ABCB7: variants seen among roughly 807,000 people sequenced by gnomAD.
ABCB7 encodes the protein ATP binding cassette subfamily B member 7.
Under a neutral mutation model 54.4 loss-of-function variants are expected in ABCB7, and 7 were observed. That is an observed-to-expected ratio of 0.13 (90% CI 0.07 to 0.24). The LOEUF is 0.24. Among genes scored for constraint, ABCB7 ranks in the 10% least tolerant of loss-of-function variants. The probability of loss-of-function intolerance (pLI) is 1.00; values close to 1 mark genes in which losing one functional copy is unlikely to be tolerated. For missense variants in ABCB7, 356 were observed against 570.4 expected, an observed-to-expected ratio of 0.62 and a Z score of 3.83; for synonymous variants, 218 against 207.1, an observed-to-expected ratio of 1.05 and a Z score of -0.45.
At position 75,114,852 on chromosome X, in the gene ABCB7, T is replaced by C. The variant is rs4148837; in HGVS notation, c.169-21A>G. The C allele has an allele frequency of 0.12, 136,730 of 1,147,903 alleles. 16,165 individuals are homozygous for C. Among genetic ancestry groups the C allele is most frequent in the East Asian group, 0.94 (30,482 of 32,491 alleles). The allele number at this position is 1,147,903 out of a possible 1,213,427, so 94.6% of individuals were successfully genotyped here. A position where few individuals can be genotyped will look rare whatever the true frequency, so the allele number is the denominator to read the frequency against. On this transcript the variant is annotated intron_variant, in intron 1 of 15. Transcript: ENST00000373394. ...GGAATCTGCTGACAAGGAAAAAAAG[T>C]AGGGGGAAGTTTCAGAGTGGACACT...
intron 1 of ABCB7, among the ~76,000 whole-genome samples, chrX:75,119,125 A>G (rs778039897): frequency 1.2e-4 from 13 of 112,651 alleles, no homozygotes; most frequent in African/African-American, 3.9e-4. Flanking sequence ...CAGAAAAGTA[A>G]AAAGTGTAAT....
At chrX:75,144,187 C>A (rs1391931990) in intron 1 of ABCB7, among the ~76,000 whole-genome samples, 2 of 111,413 alleles carry the variant, frequency 1.8e-5, no homozygotes, top group Non-Finnish European at 3.8e-5. Flanking sequence ...CCTCAAACTG[C>A]ACCCAGAATC....
chrX:75,053,023 A>T lies in ABCB7; in HGVS notation c.*347T>A, dbSNP rs1414317990. On this transcript the variant is annotated 3_prime_UTR_variant, in exon 16 of 16. Transcript: ENST00000373394. ...GACACTTTCCCTCTAAATTGTCAGC[A>T]TAAAGGTTTTAAAAACTATAAAAAT... 9.5e-6 allele frequency: 2 copies of T among 209,854 alleles called. No homozygotes were observed. Among genetic ancestry groups the T allele is most frequent in the Non-Finnish European group, 1.7e-5 (2 of 117,240 alleles). The allele number at this position is 209,854 out of a possible 1,213,427, so 17.3% of individuals were successfully genotyped here.
At chrX:75,084,512 AAT>A (rs2081480670) in intron 4 of ABCB7, among the ~76,000 whole-genome samples, 1 of 112,234 alleles carries the variant, frequency 8.9e-6, no homozygotes, top group Non-Finnish European at 1.9e-5. Context: ...AAAAGAGAAA[AAT>A]ATATAAAACT....
chrX:75,094,778 T>C (rs1362528381), intron 4 of ABCB7, among the ~76,000 whole-genome samples: 1 of 110,989 alleles, frequency 9.0e-6, no homozygotes, highest in Non-Finnish European at 1.9e-5. Context: ...GATACTCCTA[T>C]GATATATGTA....
At chrX:75,072,077 T>C (rs1156865017) in intron 8 of ABCB7, among the ~76,000 whole-genome samples, 1 of 111,566 alleles carries the variant, frequency 9.0e-6, no homozygotes, top group African/African-American at 3.3e-5. Flanking sequence ...AATTCTGGGA[T>C]AGCAGGGATC....
intron 11 of ABCB7, 59 bp downstream of exon 11, chrX:75,069,232 A>G: frequency 1.7e-6 from 2 of 1,201,429 alleles, no homozygotes; most frequent in Admixed American, 4.3e-5. Flanking sequence ...AGAAAGAAAT[A>G]TTACATTGGG....
rs1429129745 is a variant in ABCB7 at position 75,126,590 on chromosome X, G to C, written c.169-11759C>G. ...TGAAGGAGATAGAGACAGGAAAAAT[G>C]CTTCAAAAAAAAAATCAATGAATCC... On this transcript the variant is annotated intron_variant, in intron 1 of 15. Transcript: ENST00000373394. Among the ~76,000 whole-genome samples, 4 of 109,117 alleles carry C rather than the reference G, an allele frequency of 3.7e-5. No homozygotes were observed. The East Asian group carries it at 8.6e-4, about 24-fold the overall frequency. The allele number at this position is 109,117 out of a possible 115,157, so 94.8% of individuals were successfully genotyped here.
Position 75,051,575 on chromosome X carries a change from A to G in ABCB7, c.*1795T>C, listed in dbSNP as rs957059579. The G allele has an allele frequency of 2.7e-5, 3 of 112,451 alleles. No homozygotes were observed. Among genetic ancestry groups the G allele is most frequent in the Non-Finnish European group, 5.6e-5 (3 of 53,237 alleles). 9.3% of individuals were successfully genotyped at this position (112,451 alleles called of 1,213,427 possible). ...CTAAGTGAATGTATAGCAATATTTT[A>G]TTAATTCTTTCTAGCAGGTAAAACT... is the stretch of plus-strand genomic sequence containing the variant. On this transcript the variant is annotated 3_prime_UTR_variant, in exon 16 of 16. Coordinates refer to ENST00000373394, the MANE Select transcript of ABCB7 (RefSeq NM_001271696.3).
chrX:75,065,972 T>C (rs1455228311), intron 12 of ABCB7, among the ~76,000 whole-genome samples: 1 of 111,902 alleles, frequency 8.9e-6, no homozygotes, highest in African/African-American at 3.2e-5. Context: ...TGTTTTTTGT[T>C]TAAATTAGCA....
intron 3 of ABCB7, among the ~76,000 whole-genome samples, chrX:75,107,972 C>T (rs1167659092): frequency 9.1e-6 from 1 of 109,937 alleles, no homozygotes; most frequent in African/African-American, 3.3e-5. Context: ...GGCCCACTGC[C>T]CTGAAGGGTG....
chrX:75,106,566 C>T (rs6647630), intron 3 of ABCB7, among the ~76,000 whole-genome samples: 16,068 of 111,148 alleles, frequency 0.14, 1,775 homozygotes, highest in East Asian at 0.9. Flanking sequence ...TTAGTACAAC[C>T]GCTATGGAAA....
In ABCB7 at chrX:75,052,147, A is replaced by G. The variant is rs2081199889; in HGVS notation, c.*1223T>C. 1 of 111,893 alleles carries G rather than the reference A, an allele frequency of 8.9e-6. No homozygotes were observed. Among genetic ancestry groups the G allele is most frequent in the African/African-American group, 3.3e-5 (1 of 30,712 alleles). 9.2% of individuals were successfully genotyped at this position (111,893 alleles called of 1,213,427 possible). Reference sequence around the variant, plus strand: ...ATGAGAATGAAGGTTTTTTTCCTTCAAAAAGTACATAGTTGCAAATACTTC... The same window carrying G: ...ATGAGAATGAAGGTTTTTTTCCTTCGAAAAGTACATAGTTGCAAATACTTC... On this transcript the variant is annotated 3_prime_UTR_variant, in exon 16 of 16. Transcript: ENST00000373394.
chrX:75,116,171 C>A lies in ABCB7; in HGVS notation c.169-1340G>T, dbSNP rs6647631. 0.076 allele frequency among the ~76,000 whole-genome samples: 8,432 copies of A among 110,835 alleles called. 1,238 individuals carry two copies. The East Asian group carries it at 0.89, about 12-fold the overall frequency. ...CCATCTTTATCTCTGAAGCTTGCGA[C>A]CTGAAAGCTTCATCTACATGAGAAG... On this transcript the variant is annotated intron_variant, in intron 1 of 15. Coordinates refer to ENST00000373394, the MANE Select transcript of ABCB7 (RefSeq NM_001271696.3).
At chrX:75,108,611 A>G (rs2081726369) in intron 3 of ABCB7, among the ~76,000 whole-genome samples, 1 of 110,938 alleles carries the variant, frequency 9.0e-6, no homozygotes, top group Admixed American at 9.5e-5. Flanking sequence ...ATGGTAACAA[A>G]GAAATAAATT....
chrX:75,117,369 G>A (rs2081830982), intron 1 of ABCB7, among the ~76,000 whole-genome samples: 1 of 110,955 alleles, frequency 9.0e-6, no homozygotes, highest in African/African-American at 3.3e-5. Flanking sequence ...CACACCAATT[G>A]ACTGACTTTG....
intron 1 of ABCB7, among the ~76,000 whole-genome samples, chrX:75,132,918 G>C (rs1040397245): frequency 9.0e-6 from 1 of 111,361 alleles, no homozygotes; most frequent in African/African-American, 3.3e-5. Context: ...AACTCTAAAG[G>C]CCAGAGTTAT....
chrX:75,100,327 G>A (rs945289604), intron 3 of ABCB7, among the ~76,000 whole-genome samples: 3 of 110,237 alleles, frequency 2.7e-5, no homozygotes, highest in African/African-American at 9.9e-5. Flanking sequence ...TATCATTCTT[G>A]GGATAAAAAC....
chrX:75,084,442 C>A (rs747244517), intron 4 of ABCB7, among the ~76,000 whole-genome samples: 1 of 111,509 alleles, frequency 9.0e-6, no homozygotes, highest in South Asian at 3.7e-4. Context: ...TATAAGAATT[C>A]AAACTGTAGC....
Sources: gnomAD v4.1 joint callset for allele counts (sites outside exome capture counted in the v4.1 genomes callset) on GRCh38, gnomAD v4.1.1 for gene constraint, MANE v1.5 for transcripts, NCBI Gene and HGNC (gene_info 2026-07-23, HGNC 2026-07-21) for gene names.